SCIN: variants seen among roughly 807,000 people sequenced by gnomAD.
SCIN encodes adseverin.
In SCIN, 91 loss-of-function variants were observed where a neutral mutation model predicts 91.8. The ratio of observed to expected loss-of-function variants is 0.99; its 90% CI spans 0.84 to 1.18. The LOEUF (loss-of-function observed/expected upper bound fraction) is 1.18, where lower values mean the gene tolerates loss of function less well. Ranked by LOEUF, SCIN falls within the 50% of genes most tolerant of loss-of-function variation. The pLI, the probability that SCIN is intolerant of heterozygous loss-of-function variation, is 0.00. For synonymous variants in SCIN, 367 were observed against 312.6 expected, an observed-to-expected ratio of 1.17 and a Z score of -1.84; for missense variants, 1,087 against 863.9, an observed-to-expected ratio of 1.26 and a Z score of -3.24.
At chr7:12,590,604 T>C (rs1195419343) in intron 3 of SCIN, among the ~76,000 whole-genome samples, 1 of 151,970 alleles carries the variant, frequency 6.6e-6, no homozygotes, top group Non-Finnish European at 1.5e-5. Context: ...GCTTTCTCGG[T>C]GGGAGAGTTC....
Position 12,653,318 on chromosome 7 carries a change from G to T in SCIN, c.*603G>T, listed in dbSNP as rs973334321. On this transcript the variant is annotated 3_prime_UTR_variant, in exon 16 of 16. Transcript: ENST00000297029. The surrounding 1 kb of genome is among the most constrained non-coding windows in gnomAD (Gnocchi z 4.1). ...TAAAATACTATGCATAATCTAGAAAGATTTGTCAGATAGGAAATTTTATAA... is the reference window on the plus strand; with the variant it reads ...TAAAATACTATGCATAATCTAGAAATATTTGTCAGATAGGAAATTTTATAA... 2.0e-5 allele frequency: 3 copies of T among 152,154 alleles called. No homozygotes were observed. The highest frequency in any genetic ancestry group is 4.8e-5 in the African/African-American group (2 of 41,532). 9.4% of individuals were successfully genotyped at this position (152,154 alleles called of 1,614,324 possible). A position where few individuals can be genotyped will look rare whatever the true frequency, so the allele number is the denominator to read the frequency against.
chr7:12,624,491 A>G (rs1041720478), intron 5 of SCIN, among the ~76,000 whole-genome samples: 1 of 152,188 alleles, frequency 6.6e-6, no homozygotes, highest in African/African-American at 2.4e-5. Flanking sequence ...AACTATATCA[A>G]TATCCTCCTT....
At chr7:12,598,886 TGAC>T (rs1782898199) in intron 3 of SCIN, among the ~76,000 whole-genome samples, 1 of 151,296 alleles carries the variant, frequency 6.6e-6, no homozygotes, top group Non-Finnish European at 1.5e-5. Context: ...CCAGCCTAGG[TGAC>T]AAAGCCAGAC....
At chr7:12,645,232 T>C (rs1403459065) in intron 13 of SCIN, among the ~76,000 whole-genome samples, 3 of 151,446 alleles carry the variant, frequency 2.0e-5, no homozygotes, top group Non-Finnish European at 4.4e-5. Context: ...GACAGGAGAA[T>C]CTCTTGAACC....
intron 3 of SCIN, chr7:12,595,475 G>C (rs1033208341): frequency 3.5e-4 from 45 of 130,012 alleles, no homozygotes; most frequent in African/African-American, 1.1e-3. Context: ...GCATTGGGGT[G>C]GGGGGAGGGG....
intron 4 of SCIN, among the ~76,000 whole-genome samples, chr7:12,609,963 ACT>A (rs1327249878): frequency 1.3e-5 from 2 of 152,096 alleles, no homozygotes; most frequent in Non-Finnish European, 2.9e-5. Context: ...AAGTTTGAAG[ACT>A]CTGCTTACTT....
chr7:12,616,572 A>G (rs1287911620), intron 4 of SCIN, among the ~76,000 whole-genome samples: 1 of 152,160 alleles, frequency 6.6e-6, no homozygotes, highest in Admixed American at 6.6e-5. Flanking sequence ...AAAACACTGC[A>G]CTGAAAGTTA....
chr7:12,570,942 C>G lies in SCIN; in HGVS notation c.156C>G (p.Ala52=), dbSNP rs779550150. Residue 52 remains alanine, a synonymous_variant, in exon 1 of 16, where the codon GCC becomes GCG. Transcript: ENST00000297029. ...ATGCCTACCTGGTGCTGCACACGGC[C>G]AAGACGAGCCGAGGCTTCACCTACC... is the stretch of plus-strand genomic sequence containing the variant. ...VGDAYLVLHT[A]KTSRGFTYHL... is the part of the protein sequence containing the mutation. 3.2e-6 allele frequency: 5 copies of G among 1,551,222 alleles called. No individual in the cohort carries two copies. Among genetic ancestry groups the G allele is most frequent in the African/African-American group, 2.7e-5 (2 of 73,038 alleles).
chr7:12,655,180 A>G lies in SCIN; in HGVS notation c.*2465A>G, dbSNP rs967008639. The G allele has an allele frequency of 6.6e-6, 1 of 152,194 alleles. No individual in the cohort carries two copies. Among genetic ancestry groups the G allele is most frequent in the Non-Finnish European group, 1.5e-5 (1 of 68,040 alleles). 9.4% of individuals were successfully genotyped at this position (152,194 alleles called of 1,614,324 possible). Reference sequence around the variant, plus strand: ...CTAATACAGTGTAAACGCTGTGTAAACAGTTGTTATACTATATTGGTTTTT... The same window carrying G: ...CTAATACAGTGTAAACGCTGTGTAAGCAGTTGTTATACTATATTGGTTTTT... On this transcript the variant is annotated 3_prime_UTR_variant, in exon 16 of 16. Transcript: ENST00000297029.
rs967292048 is a variant in SCIN, at chr7:12,625,517, G to A, written c.893-245G>A. 4.0e-5 allele frequency among the ~76,000 whole-genome samples: 6 copies of A among 148,462 alleles called. No individual in the cohort carries two copies. The Admixed American group carries it at 4.1e-4, about 10-fold the overall frequency. ...CTAATTTTTTTGTATTTTTTGTGGA[G>A]ATGGGCTTTCACCGTGTTAGCCAGG... On this transcript the variant is annotated intron_variant, in intron 6 of 15. Transcript: ENST00000297029.
At chr7:12,632,379 C>G (rs1350670965) in intron 9 of SCIN, among the ~76,000 whole-genome samples, 3 of 152,038 alleles carry the variant, frequency 2.0e-5, no homozygotes, top group Admixed American at 6.5e-5. Flanking sequence ...GGTCCACCTG[C>G]CTTGGCCTCC....
chr7:12,645,101 C>G (rs1055276974), intron 13 of SCIN, among the ~76,000 whole-genome samples: 1 of 151,112 alleles, frequency 6.6e-6, no homozygotes, highest in African/African-American at 2.4e-5. Flanking sequence ...GGGTGTATCA[C>G]GAGATCAAGG....
At chr7:12,580,324 A>G (rs1583274384) in intron 2 of SCIN, among the ~76,000 whole-genome samples, 2 of 152,304 alleles carry the variant, frequency 1.3e-5, no homozygotes, top group East Asian at 1.9e-4. Flanking sequence ...ATTGCAAATA[A>G]TATAAGAAGA....
intron 8 of SCIN, among the ~76,000 whole-genome samples, chr7:12,627,630 C>T (rs1241374831): frequency 6.6e-6 from 1 of 152,150 alleles, no homozygotes. Flanking sequence ...AGACGTGAAG[C>T]GTGAATCTAA....
At chr7:12,616,394 C>T (rs1487505137) in intron 4 of SCIN, among the ~76,000 whole-genome samples, 2 of 152,102 alleles carry the variant, frequency 1.3e-5, no homozygotes, top group East Asian at 3.9e-4. Flanking sequence ...TGCTCTCTTG[C>T]TCTCCATGTT....
chr7:12,625,707 A>T, intron 6 of SCIN, 55 bp from the exon 7 acceptor site: 1 of 1,174,246 alleles, frequency 8.5e-7, no homozygotes, highest in Non-Finnish European at 1.2e-6. Context: ...TTTCTTAATC[A>T]TAGAATGTCT....
Position 12,622,913 on chromosome 7 carries a change from A to G in SCIN, c.759+20A>G. ...TACATGGTGAGTTCACTGTAACCAAATTTATTGTTTCAACAGTACTGGATG... is the reference window on the plus strand; with the variant it reads ...TACATGGTGAGTTCACTGTAACCAAGTTTATTGTTTCAACAGTACTGGATG... On this transcript the variant is annotated intron_variant, in intron 5 of 15. Transcript: ENST00000297029. The G allele has an allele frequency of 6.4e-7, 1 of 1,572,294 alleles. No homozygotes were observed. The highest frequency in any genetic ancestry group is 2.3e-5 in the East Asian group (1 of 44,434).
intron 4 of SCIN, among the ~76,000 whole-genome samples, chr7:12,611,601 T>C (rs896228822): frequency 6.6e-6 from 1 of 152,198 alleles, no homozygotes; most frequent in African/African-American, 2.4e-5. Flanking sequence ...AAATCAATCA[T>C]TCTCCATTTA....
chr7:12,640,095 G>A (rs1229260838), intron 10 of SCIN, among the ~76,000 whole-genome samples: 1 of 152,182 alleles, frequency 6.6e-6, no homozygotes, highest in East Asian at 1.9e-4. Context: ...AAGTATTGGA[G>A]CATGGTGATG....
Sources: allele counts gnomAD v4.1 joint callset (sites outside exome capture counted in the v4.1 genomes callset), GRCh38; gene constraint gnomAD v4.1.1; non-coding constraint Gnocchi (gnomAD v3.1); transcripts MANE v1.5; gene names NCBI Gene and HGNC (gene_info 2026-07-23, HGNC 2026-07-21).